Variants in KIZ observed in about 807,000 individuals in gnomAD.
KIZ encodes centrosomal protein kizuna.
KIZ carries 68 observed loss-of-function variants against 79.6 expected under a neutral mutation model. The observed-to-expected ratio is 0.85, with a 90% CI of 0.70 to 1.05. The LOEUF (loss-of-function observed/expected upper bound fraction) is 1.05. Ranked by LOEUF, KIZ falls within the 50% of genes least tolerant of loss-of-function variation. The pLI, the probability that KIZ is intolerant of heterozygous loss-of-function variation, is 0.00. For synonymous variants in KIZ, 280 were observed against 281.8 expected (o/e 0.99, Z 0.06); for missense variants, 797 against 800.4 (o/e 1.00, Z 0.05).
intron 4 of KIZ, chr20:21,151,063 C>T (rs921868072): frequency 3.9e-5 from 6 of 152,158 alleles, no homozygotes; most frequent in Non-Finnish European, 7.3e-5. Flanking sequence ...TAGAAATACA[C>T]ATTGGTTACA....
At chr20:21,172,629 G>A (rs902897158) in intron 6 of KIZ, among the ~76,000 whole-genome samples, 1 of 151,972 alleles carries the variant, frequency 6.6e-6, no homozygotes, top group African/African-American at 2.4e-5. Flanking sequence ...TGAAGAATAA[G>A]CAGGTTAAGT....
rs142231639 is a variant in KIZ, at chr20:21,188,630, G to A, written c.1353-16861G>A. Among the ~76,000 whole-genome samples, 42 of 151,438 alleles carry A rather than the reference G, an allele frequency of 2.8e-4. 2 individuals are homozygous for A. The East Asian group carries it at 7.1e-3, about 26-fold the overall frequency. On this transcript the variant is annotated intron_variant, in intron 6 of 12. Transcript: ENST00000619189. ...GTAGATATTTAAAGCGGTCACTTTA[G>A]GTAGCTGGCTCCATAATAAGCCCTG...
At chr20:21,241,326 T>C (rs1332647063) in intron 11 of KIZ, among the ~76,000 whole-genome samples, 2 of 152,030 alleles carry the variant, frequency 1.3e-5, no homozygotes, top group African/African-American at 2.4e-5. Context: ...CTTTCAGAGA[T>C]TTTCCCAAAA....
intron 2 of KIZ, among the ~76,000 whole-genome samples, chr20:21,134,379 C>T (rs937876971): frequency 2.6e-5 from 4 of 152,026 alleles, no homozygotes; most frequent in East Asian, 1.9e-4. Context: ...AGCTCTGAGC[C>T]GGTGACCTTG....
intron 6 of KIZ, among the ~76,000 whole-genome samples, chr20:21,199,852 T>C (rs2035517259): frequency 1.3e-5 from 2 of 152,210 alleles, no homozygotes; most frequent in African/African-American, 2.4e-5. Flanking sequence ...AGAATCTTGC[T>C]CTGTCGCCCA....
At chr20:21,159,171 T>TA (rs1224214907) in intron 4 of KIZ, among the ~76,000 whole-genome samples, 2 of 151,710 alleles carry the variant, frequency 1.3e-5, no homozygotes, top group African/African-American at 2.4e-5. Context: ...ATTTTTTAAT[T>TA]AAAAAAATTT....
At chr20:21,146,183 T>C (rs904052449) in intron 4 of KIZ, among the ~76,000 whole-genome samples, 4 of 152,238 alleles carry the variant, frequency 2.6e-5, no homozygotes, top group Admixed American at 2.6e-4. Context: ...AATGATTCTG[T>C]TCAAGACCGT....
chr20:21,127,581 C>T (rs1025216174), intron 1 of KIZ, among the ~76,000 whole-genome samples: 9 of 152,132 alleles, frequency 5.9e-5, no homozygotes, highest in African/African-American at 1.9e-4. Context: ...AGCCTGTTCA[C>T]GGTTCTGCAT....
chr20:21,227,495 T>C (rs2036695048), intron 9 of KIZ, among the ~76,000 whole-genome samples: 2 of 152,202 alleles, frequency 1.3e-5, no homozygotes, highest in South Asian at 4.1e-4. Flanking sequence ...ACTTGTATCT[T>C]GAGAGCTGAA....
intron 9 of KIZ, among the ~76,000 whole-genome samples, chr20:21,225,733 G>A (rs2036633477): frequency 6.6e-6 from 1 of 152,066 alleles, no homozygotes; most frequent in Non-Finnish European, 1.5e-5. Flanking sequence ...GGCCTGAATT[G>A]CCACACACCT....
At position 21,202,011 on chromosome 20, in the gene KIZ, G is replaced by T. The variant is rs192267243; in HGVS notation, c.1353-3480G>T. ...TACCTCCTTCAACAGCTCATTTTCC[G>T]TTTGACTTGGGCAAGTCAATTAATC... On this transcript the variant is annotated intron_variant, in intron 6 of 12. Transcript: ENST00000619189. Among the ~76,000 whole-genome samples, 9 of 152,250 alleles carry T rather than the reference G, an allele frequency of 5.9e-5. No individual in the cohort carries two copies. The East Asian group carries it at 1.5e-3, about 26-fold the overall frequency.
chr20:21,187,128 A>G (rs571262647), intron 6 of KIZ, among the ~76,000 whole-genome samples: 18 of 152,192 alleles, frequency 1.2e-4, no homozygotes, highest in Non-Finnish European at 2.1e-4. Context: ...AAAAAACACA[A>G]TTCAAAATCT....
intron 5 of KIZ, 129 bp downstream of exon 5, chr20:21,162,636 C>A: frequency 1.2e-6 from 1 of 816,006 alleles, no homozygotes; most frequent in Non-Finnish European, 1.9e-6. Context: ...TTCTAATGAA[C>A]TCTTAAATAT....
At position 21,132,117 on chromosome 20, in the gene KIZ, T is replaced by C. The variant is rs1199102911; in HGVS notation, c.110T>C (p.Leu37Pro). 4.2e-6 allele frequency: 6 copies of C among 1,441,068 alleles called. No homozygotes were observed. Among genetic ancestry groups the C allele is most frequent in the Non-Finnish European group, 5.7e-6 (6 of 1,051,566 alleles). 89.3% of individuals were successfully genotyped at this position (1,441,068 alleles called of 1,614,324 possible). Residue 37 changes from leucine to proline, a missense_variant, in exon 2 of 13, where the codon CTG becomes CCG. Transcript: ENST00000619189. Reference sequence around the variant, plus strand: ...TATAGTGAAAAGAAGAGATTGGACCTGGAAAAGAAACTTTATGAATATAAT... The same window carrying C: ...TATAGTGAAAAGAAGAGATTGGACCCGGAAAAGAAACTTTATGAATATAAT... ...LRDSEKKRLDLEKKLYEYNQS... is the reference protein window; with the variant it reads ...LRDSEKKRLDPEKKLYEYNQS...
intron 8 of KIZ, 41 bp downstream of exon 8, chr20:21,214,741 T>A (rs1282746780): frequency 2.3e-6 from 3 of 1,322,760 alleles, no homozygotes; most frequent in South Asian, 2.4e-5. Flanking sequence ...AAAAAGGCAT[T>A]CAGGGTCATC....
chr20:21,212,326 C>A (rs1184363465), intron 7 of KIZ, among the ~76,000 whole-genome samples: 2 of 152,114 alleles, frequency 1.3e-5, no homozygotes, highest in Non-Finnish European at 2.9e-5. Flanking sequence ...TTCCAACTTA[C>A]AATGGTTCAA....
At chr20:21,159,269 T>G (rs2122650880) in intron 4 of KIZ, among the ~76,000 whole-genome samples, 1 of 152,276 alleles carries the variant, frequency 6.6e-6, no homozygotes, top group Non-Finnish European at 1.5e-5. Flanking sequence ...TCCTCCCATC[T>G]CAGCCTCAGG....
intron 11 of KIZ, among the ~76,000 whole-genome samples, chr20:21,234,329 C>T (rs947920232): frequency 2.6e-5 from 4 of 151,168 alleles, no homozygotes; most frequent in African/African-American, 9.7e-5. Context: ...TACAAGTAAT[C>T]TCATCATCCC....
At chr20:21,177,414 C>G (rs1210393597) in intron 6 of KIZ, among the ~76,000 whole-genome samples, 1 of 151,970 alleles carries the variant, frequency 6.6e-6, no homozygotes, top group African/African-American at 2.4e-5. Flanking sequence ...GTCTTTAGCC[C>G]GTATTTTAAT....
Sources: allele counts gnomAD v4.1 joint callset (sites outside exome capture counted in the v4.1 genomes callset), GRCh38; gene constraint gnomAD v4.1.1; transcripts MANE v1.5; gene names NCBI Gene and HGNC (gene_info 2026-07-23, HGNC 2026-07-21).